The following ACACB variants were observed in gnomAD, a reference collection of about 807,000 sequenced individuals.
ACACB encodes acetyl-CoA carboxylase 2.
A neutral mutation model predicts 278.8 loss-of-function variants in ACACB; 209 were observed. The ratio of observed to expected loss-of-function variants is 0.75; its 90% CI spans 0.67 to 0.84. The LOEUF (loss-of-function observed/expected upper bound fraction) is 0.84. Among genes scored for constraint, ACACB ranks in the 40% least tolerant of loss-of-function variants. ACACB has a pLI of 0.00. For missense variants in ACACB, 2,850 were observed against 3,269.0 expected, an observed-to-expected ratio of 0.87 and a Z score of 3.13; for synonymous variants, 1,174 against 1,285.6, an observed-to-expected ratio of 0.91 and a Z score of 1.86.
At chr12:109,230,881 C>T (rs1055784209) in intron 28 of ACACB, among the ~76,000 whole-genome samples, 1 of 151,954 alleles carries the variant, frequency 6.6e-6, no homozygotes, top group African/African-American at 2.4e-5. Context: ...CTTTTTTGAC[C>T]CAGAGAGACA....
intron 12 of ACACB, among the ~76,000 whole-genome samples, chr12:109,187,681 A>G (rs1047690913): frequency 6.6e-6 from 1 of 151,816 alleles, no homozygotes; most frequent in African/African-American, 2.4e-5. Context: ...GCTGGTTTTG[A>G]ACTCCTGGGC....
chr12:109,135,181 T>TTC (rs552676454), intron 1 of ACACB, among the ~76,000 whole-genome samples: 13 of 151,776 alleles, frequency 8.6e-5, no homozygotes, highest in South Asian at 2.1e-4. Flanking sequence ...ACACTTGTTA[T>TTC]TCTCTCTCTC....
rs2047290255 is a variant in ACACB, at chr12:109,258,483, T to A, written c.6360+119T>A. ...TTAGGTGGAGAAGCAGGGGACCCAG[T>A]GCAGTCCCTGGCCCTGGGGGGCTCA... On this transcript the variant is annotated intron_variant, in intron 46 of 52. Coordinates refer to ENST00000338432, the MANE Select transcript of ACACB (RefSeq NM_001093.4). 5.3e-6 allele frequency: 4 copies of A among 755,862 alleles called. No individual in the cohort carries two copies. The Admixed American group carries it at 9.6e-5, about 18-fold the overall frequency. The allele number at this position is 755,862 out of a possible 1,614,324, so 46.8% of individuals were successfully genotyped here.
chr12:109,196,876 T>C, intron 16 of ACACB, 132 bp from the exon 17 acceptor site: 1 of 1,091,026 alleles, frequency 9.2e-7, no homozygotes, highest in Non-Finnish European at 1.2e-6. Context: ...GAGGGCTGGG[T>C]CCGAGAGACG....
chr12:109,252,215 T>G lies in ACACB; in HGVS notation c.5901+59T>G, dbSNP rs188764147. On this transcript the variant is annotated intron_variant, in intron 42 of 52. Coordinates refer to ENST00000338432, the MANE Select transcript of ACACB (RefSeq NM_001093.4). ...TTGGGGGCCAGGAGTCATTTTAACA[T>G]TCCCATTGGTCTCTGGTGGGGGATT... 1.7e-3 allele frequency: 2,033 copies of G among 1,182,724 alleles called. 4 individuals are homozygous for G. The highest frequency in any genetic ancestry group is 3.0e-3 in the South Asian group (194 of 64,630). 73.3% of individuals were successfully genotyped at this position (1,182,724 alleles called of 1,614,324 possible).
intron 2 of ACACB, among the ~76,000 whole-genome samples, chr12:109,166,011 C>T (rs904383986): frequency 6.6e-6 from 1 of 152,044 alleles, no homozygotes; most frequent in Admixed American, 6.6e-5. Context: ...GTGGGCTGGG[C>T]GTGGTGGCTC....
rs2044728878 is a variant in ACACB, at chr12:109,188,148, G to T, written c.2130G>T (p.Arg710=). 5 of 1,601,620 alleles carry T rather than the reference G, an allele frequency of 3.1e-6. No individual in the cohort carries two copies. The highest frequency in any genetic ancestry group is 4.3e-6 in the Non-Finnish European group (5 of 1,169,830). The change falls in exon 13 of 53, where the codon CGG becomes CGT. Residue 710 remains arginine, a synonymous_variant. Transcript: ENST00000338432. ...FGHCFSWGEN[R]EEAISNMVVA... The stretch of plus-strand genomic sequence containing the variant: ...ACTGCTTCTCCTGGGGAGAGAACCG[G>T]GAAGAGGCCATTTCGTCAGTATCTC...
At position 109,166,898 on chromosome 12, in the gene ACACB, C is replaced by G. The variant is rs528602761; in HGVS notation, c.691C>G (p.Arg231Gly). The change falls in exon 3 of 53, where the codon CGG becomes GGG. Residue 231 changes from arginine to glycine, a missense_variant. Arg to Gly is a moderately radical substitution (Grantham distance 125). Transcript: ENST00000338432. Reference protein sequence around the residue: ...MSGLHLVKRGREHKKLDLHRD... With the variant: ...MSGLHLVKRGGEHKKLDLHRD... ...GGGACTCCACCTGGTGAAGAGGGGA[C>G]GGGAACACAAGAAGCTGGACCTGCA... 1.2e-6 allele frequency: 2 copies of G among 1,613,790 alleles called. No homozygotes were observed. The highest frequency in any genetic ancestry group is 2.7e-5 in the African/African-American group (2 of 74,798).
In ACACB at chr12:109,175,956, T is replaced by C. The variant is rs2044268981; in HGVS notation, c.1242T>C (p.Asp414=). 2 of 1,614,114 alleles carry C rather than the reference T, an allele frequency of 1.2e-6. No homozygotes were observed. Among genetic ancestry groups the C allele is most frequent in the Non-Finnish European group, 1.7e-6 (2 of 1,180,020 alleles). The change falls in exon 8 of 53, where the codon GAT becomes GAC. Residue 414 remains aspartate (D), a synonymous_variant. Coordinates refer to ENST00000338432, the MANE Select transcript of ACACB (RefSeq NM_001093.4). ...GCCTGACAGTGGAGTGGACAGAAGA[T>C]GATCTGCAGCAGGGAAAAAGAATCA... ...GSGLTVEWTE[D]DLQQGKRISV... is the part of the protein sequence containing the mutation.
chr12:109,195,726 GT>G (rs146236537), intron 16 of ACACB, among the ~76,000 whole-genome samples: 85 of 150,034 alleles, frequency 5.7e-4, no homozygotes, highest in Middle Eastern at 3.4e-3. Context: ...TTATTAACAA[GT>G]TTTTTTTTTA....
intron 2 of ACACB, among the ~76,000 whole-genome samples, chr12:109,145,115 C>A (rs2043210914): frequency 6.6e-6 from 1 of 152,088 alleles, no homozygotes; most frequent in Non-Finnish European, 1.5e-5. Flanking sequence ...ATGCAACTTT[C>A]TTATCATGTT....
At chr12:109,201,882 A>G (rs565147249) in intron 19 of ACACB, among the ~76,000 whole-genome samples, 181 bp downstream of exon 19, 52 of 151,986 alleles carry the variant, frequency 3.4e-4, no homozygotes, top group African/African-American at 1.0e-3. Flanking sequence ...GCCCTGCTTT[A>G]CTCAGATCCC....
chr12:109,237,398 A>G lies in ACACB; in HGVS notation c.4662+18A>G, dbSNP rs762315615. Reference sequence around the variant, plus strand: ...TCACAAAGGTAAGATGTCGCAGAGCATTTCTTCCTCTCTCAGAACCTGGCC... The same window carrying G: ...TCACAAAGGTAAGATGTCGCAGAGCGTTTCTTCCTCTCTCAGAACCTGGCC... On this transcript the variant is annotated intron_variant, in intron 34 of 52. Coordinates refer to ENST00000338432, the MANE Select transcript of ACACB (RefSeq NM_001093.4). The G allele has an allele frequency of 3.7e-6, 6 of 1,604,098 alleles. No individual in the cohort carries two copies. The African/African-American group carries it at 6.7e-5, about 18-fold the overall frequency.
rs766938366 is a variant in ACACB at position 109,264,389 on chromosome 12, G to C, written c.6942+3G>C. The C allele has an allele frequency of 1.2e-6, 2 of 1,613,672 alleles. No individual in the cohort carries two copies. The highest frequency in any genetic ancestry group is 2.7e-5 in the African/African-American group (2 of 74,856). On this transcript the variant is annotated splice_donor_region_variant and intron_variant, in intron 50 of 52. Coordinates refer to ENST00000338432, the MANE Select transcript of ACACB (RefSeq NM_001093.4). ...TGCTGGAGAAGGGCGTCATATCTGTGAGAGCCACAGCTGCCGTGTAGGGTG... is the reference window on the plus strand; with the variant it reads ...TGCTGGAGAAGGGCGTCATATCTGTCAGAGCCACAGCTGCCGTGTAGGGTG...
chr12:109,202,754 TTAAC>T (rs2045374397), intron 19 of ACACB, among the ~76,000 whole-genome samples: 1 of 152,228 alleles, frequency 6.6e-6, no homozygotes, highest in African/African-American at 2.4e-5. Flanking sequence ...ACTTTAAAAT[TTAAC>T]TATTATTGCA....
At chr12:109,233,085 T>C (rs1031161425) in intron 29 of ACACB, among the ~76,000 whole-genome samples, 2 of 152,188 alleles carry the variant, frequency 1.3e-5, no homozygotes, top group African/African-American at 2.4e-5. Flanking sequence ...ATTCTGGCTA[T>C]GTGCTTTCTA....
At chr12:109,218,715 A>G (rs906915167) in intron 24 of ACACB, among the ~76,000 whole-genome samples, 6 of 144,982 alleles carry the variant, frequency 4.1e-5, no homozygotes, top group Admixed American at 7.1e-5. Context: ...GTGCAATGGC[A>G]TAATCTTGGC....
At chr12:109,190,209 T>C (rs868725766) in intron 13 of ACACB, among the ~76,000 whole-genome samples, 1 of 152,326 alleles carries the variant, frequency 6.6e-6, no homozygotes, top group Non-Finnish European at 1.5e-5. Flanking sequence ...AGGGCTCAGC[T>C]TCCCGAGTAG....
At chr12:109,256,930 C>G (rs1468938137) in intron 45 of ACACB, among the ~76,000 whole-genome samples, 1 of 152,168 alleles carries the variant, frequency 6.6e-6, no homozygotes, top group East Asian at 1.9e-4. Context: ...TCGACATACT[C>G]CATAAGTGGG....
Sources: gnomAD v4.1 joint callset for allele counts (sites outside exome capture counted in the v4.1 genomes callset) on GRCh38, gnomAD v4.1.1 for gene constraint, MANE v1.5 for transcripts, NCBI Gene and HGNC (gene_info 2026-07-23, HGNC 2026-07-21) for gene names.